The following ABITRAM variants were observed in gnomAD, a reference collection of about 807,000 sequenced individuals.
ABITRAM encodes the protein actin binding transcription modulator, also known as protein Abitram.
ABITRAM carries 19 observed loss-of-function variants against 22.9 expected under a neutral mutation model. That is an observed-to-expected ratio of 0.83 (90% confidence interval 0.58 to 1.22). The LOEUF (loss-of-function observed/expected upper bound fraction) is 1.22, where lower values mean the gene tolerates loss of function less well. ABITRAM is among the 50% of genes most tolerant of loss of function. The pLI is 0.00. For missense variants in ABITRAM, 215 were observed against 220.2 expected, an observed-to-expected ratio of 0.98 and a Z score of 0.15; for synonymous variants, 70 against 73.9, an observed-to-expected ratio of 0.95 and a Z score of 0.27.
intron 3 of ABITRAM, among the ~76,000 whole-genome samples, chr9:108,936,729 C>G (rs1830193049): frequency 6.6e-6 from 1 of 151,892 alleles, no homozygotes; most frequent in Non-Finnish European, 1.5e-5. Flanking sequence ...AGCAATATAA[C>G]AAGATATTTT....
At chr9:108,949,259 C>T (rs1003188282) in intron 3 of ABITRAM, among the ~76,000 whole-genome samples, 6 of 152,148 alleles carry the variant, frequency 3.9e-5, no homozygotes, top group Non-Finnish European at 1.5e-5. Context: ...AGGAAGAAGT[C>T]CTATTCCACA....
At chr9:108,935,164 T>A (rs947196246) in intron 1 of ABITRAM, among the ~76,000 whole-genome samples, 4 of 152,174 alleles carry the variant, frequency 2.6e-5, no homozygotes, top group African/African-American at 7.2e-5. Flanking sequence ...ATGGTTATAC[T>A]CAGTTTAAAA....
intron 2 of ABITRAM, chr9:108,935,904 CA>C (rs916574659): frequency 5.0e-5 from 28 of 558,830 alleles, no homozygotes; most frequent in Non-Finnish European, 6.0e-5. Flanking sequence ...TTTGATTACT[CA>C]AACATCCAAA....
At chr9:108,943,853 C>G (rs548302043), downstream of ABITRAM, 4 of 1,607,186 alleles carry the variant, frequency 2.5e-6, no homozygotes, top group South Asian at 4.4e-5. Context: ...CAGCCCGCAA[C>G]AAAACTCCAT....
rs200906621 is a variant in ABITRAM, at chr9:108,939,263, C to A, written c.329C>A (p.Thr110Asn). The A allele has an allele frequency of 1.9e-5, 30 of 1,613,744 alleles. No homozygotes were observed. In the East Asian group the frequency reaches 6.0e-4, roughly 32 times the overall value. ...KIYCSDGEEY[T>N]VSSCVRGRLM... ...TACTGCTCAGATGGTGAAGAATATA[C>A]TGTGTCTAGGTGAGTAACTTTTTAG... The change falls in exon 4 of 6, where the codon ACT becomes AAT. Residue 110 changes from threonine (T) to asparagine (N), a missense_variant. Physicochemically the swap from Thr to Asn is moderately conservative, Grantham distance 65. Transcript: ENST00000322940.
intron 3 of ABITRAM, among the ~76,000 whole-genome samples, chr9:108,947,445 C>T (rs142137787): frequency 4.6e-4 from 70 of 152,276 alleles, no homozygotes; most frequent in African/African-American, 1.6e-3. Context: ...CTCAGATGTA[C>T]ATGGGAATGC....
intron 3 of ABITRAM, among the ~76,000 whole-genome samples, chr9:108,938,761 T>C (rs1405653527): frequency 6.6e-6 from 1 of 152,118 alleles, no homozygotes; most frequent in East Asian, 1.9e-4. Flanking sequence ...AATAAGTTCC[T>C]TTATCTATTA....
rs1467105189 is a variant in ABITRAM at position 108,940,737 on chromosome 9, AAT to A, written c.*1054_*1055del. 2 of 152,198 alleles carry A rather than the reference AAT, an allele frequency of 1.3e-5. No homozygotes were observed. Among genetic ancestry groups the A allele is most frequent in the African/African-American group, 4.8e-5 (2 of 41,456 alleles). The allele number at this position is 152,198 out of a possible 1,614,324, so 9.4% of individuals were successfully genotyped here. On this transcript the variant is annotated 3_prime_UTR_variant, in exon 6 of 6. Transcript: ENST00000322940. ...AGTTACTGGCAAAGAAGTTACTGAG[AAT>A]ATGTCATTCAAAGGCATAGGGGCCT...
At chr9:108,950,697 C>A (rs567400544) in exon 4 of ABITRAM, 1 of 1,434,678 alleles carries the variant, frequency 7.0e-7, no homozygotes, top group African/African-American at 1.4e-5. Flanking sequence ...CTCATCTTTT[C>A]AGTCTTTCTG....
chr9:108,948,158 AC>A (rs756918246), intron 3 of ABITRAM: 8 of 1,608,592 alleles, frequency 5.0e-6, no homozygotes, highest in Non-Finnish European at 6.8e-6. Context: ...AAATTAAAGT[AC>A]TAGCATAAAA....
At chr9:108,937,603 A>G (rs1830205721) in intron 3 of ABITRAM, among the ~76,000 whole-genome samples, 1 of 152,232 alleles carries the variant, frequency 6.6e-6, no homozygotes, top group Non-Finnish European at 1.5e-5. Context: ...TAGTGGACTT[A>G]GAAAAGCATG....
downstream of ABITRAM, chr9:108,943,670 G>C (rs180957286): frequency 2.7e-5 from 42 of 1,565,890 alleles, 1 homozygote; most frequent in Admixed American, 6.0e-4. Flanking sequence ...GATAAAGATA[G>C]ATGTGTGAAA....
downstream of ABITRAM, among the ~76,000 whole-genome samples, chr9:108,945,418 T>G (rs1274487820): frequency 7.9e-5 from 12 of 151,992 alleles, no homozygotes; most frequent in Non-Finnish European, 1.6e-4. Flanking sequence ...TTTTAAAATG[T>G]ATTTTGTTTT....
In ABITRAM at chr9:108,936,412, A is replaced by G; in HGVS notation, c.236A>G (p.Asn79Ser). 2 of 1,613,792 alleles carry G rather than the reference A, an allele frequency of 1.2e-6. No individual in the cohort carries two copies. The highest frequency in any genetic ancestry group is 1.7e-6 in the Non-Finnish European group (2 of 1,179,898). ...AGTACCAACTGTAGCAGACTTCAGA[A>G]CAAGGTCTCTGGGAAATTTAAGCGG... is the stretch of plus-strand genomic sequence containing the variant. The part of the protein sequence containing the change: ...QISTNCSRLQ[N>S]KVSGKFKRGA... The change falls in exon 3 of 6, where the codon AAC becomes AGC. Residue 79 changes from asparagine to serine, a missense_variant. By Grantham distance (46) the Asn-to-Ser change is conservative. Coordinates refer to ENST00000322940, the MANE Select transcript of ABITRAM (RefSeq NM_017832.4).
intron 3 of ABITRAM, among the ~76,000 whole-genome samples, chr9:108,947,446 A>G (rs1302278421): frequency 6.6e-6 from 1 of 152,204 alleles, no homozygotes; most frequent in African/African-American, 2.4e-5. Context: ...TCAGATGTAC[A>G]TGGGAATGCC....
Position 108,939,944 on chromosome 9 carries a change from G to A in ABITRAM, c.*258G>A, listed in dbSNP as rs182108702. The A allele has an allele frequency of 1.9e-3, 671 of 356,352 alleles. 15 individuals carry two copies. In the Admixed American group the frequency reaches 0.026, roughly 14 times the overall value. The allele number at this position is 356,352 out of a possible 1,614,324, so 22.1% of individuals were successfully genotyped here. A position where few individuals can be genotyped will look rare whatever the true frequency, so the allele number is the denominator to read the frequency against. On this transcript the variant is annotated 3_prime_UTR_variant, in exon 6 of 6. Transcript: ENST00000322940. ...CATCTCTCTAACAACTGGCATGCAA[G>A]GCATGTTTTTCTGATTAAAAACAAA...
In ABITRAM at chr9:108,939,533, G is replaced by C. The variant is rs746251348; in HGVS notation, c.409-16G>C. 1.7e-5 allele frequency: 28 copies of C among 1,612,630 alleles called. 1 individual carries two copies. The South Asian group carries it at 3.1e-4, about 18-fold the overall frequency. The stretch of plus-strand genomic sequence containing the variant: ...TTTTCATCGTTTGACAGTACTAAAT[G>C]TTCTTTCCTTTCCAGCCATCTACTG... On this transcript the variant is annotated splice_polypyrimidine_tract_variant and intron_variant, in intron 5 of 5. Transcript: ENST00000322940.
intron 1 of ABITRAM, 53 bp from the exon 2 acceptor site, chr9:108,935,585 T>C (rs1830170201): frequency 7.4e-7 from 1 of 1,342,380 alleles, no homozygotes; most frequent in Non-Finnish European, 1.1e-6. Context: ...AAGTACCACA[T>C]AGTGGTAGTA....
intron 3 of ABITRAM, among the ~76,000 whole-genome samples, chr9:108,946,711 T>A (rs927184151): frequency 6.6e-5 from 10 of 152,234 alleles, no homozygotes; most frequent in Non-Finnish European, 1.2e-4. Context: ...TCCACAGAGC[T>A]CTGTTCTCCC....
Sources: gnomAD v4.1 joint callset for allele counts (sites outside exome capture counted in the v4.1 genomes callset) on GRCh38, gnomAD v4.1.1 for gene constraint, MANE v1.5 for transcripts, NCBI Gene and HGNC (gene_info 2026-07-23, HGNC 2026-07-21) for gene names.